The following ASAP1 variants were observed in gnomAD, a reference collection of about 807,000 sequenced individuals.
ASAP1 encodes the protein arf-GAP with SH3 domain, ANK repeat and PH domain-containing protein 1.
ASAP1 carries 43 observed loss-of-function variants against 145.2 expected under a neutral mutation model. The ratio of observed to expected loss-of-function variants is 0.30; its 90% CI spans 0.23 to 0.38. ASAP1 has a LOEUF of 0.38. Ranked by LOEUF, ASAP1 falls within the 10% of genes least tolerant of loss-of-function variation. The probability of loss-of-function intolerance (pLI) is 1.00; values close to 1 mark genes in which losing one functional copy is unlikely to be tolerated. For synonymous variants in ASAP1, 546 were observed against 515.5 expected (o/e 1.06, Z -0.80); for missense variants, 1,018 against 1,355.3 (o/e 0.75, Z 3.91).
chr8:130,142,635 C>T (rs747413061), intron 13 of ASAP1, among the ~76,000 whole-genome samples: 4 of 152,144 alleles, frequency 2.6e-5, no homozygotes, highest in Admixed American at 6.5e-5. Flanking sequence ...GGCAAGGTTC[C>T]ACACAGGCAG....
chr8:130,347,010 G>A (rs1825738399), intron 3 of ASAP1, among the ~76,000 whole-genome samples: 2 of 152,204 alleles, frequency 1.3e-5, no homozygotes, highest in African/African-American at 2.4e-5. Context: ...TGAAGAAGCC[G>A]TTCAATGGAA....
At chr8:130,392,036 C>T (rs1828309685) in intron 2 of ASAP1, among the ~76,000 whole-genome samples, 1 of 152,216 alleles carries the variant, frequency 6.6e-6, no homozygotes, top group South Asian at 2.1e-4. Context: ...TTACGTTCTG[C>T]CTCATGCCAC....
At chr8:130,065,927 G>C (rs1196351630) in intron 27 of ASAP1, among the ~76,000 whole-genome samples, 1 of 152,156 alleles carries the variant, frequency 6.6e-6, no homozygotes, top group Non-Finnish European at 1.5e-5. Flanking sequence ...TCAGCTGATG[G>C]TTAGCTAGAT....
At chr8:130,303,048 C>T (rs1313823842) in intron 3 of ASAP1, among the ~76,000 whole-genome samples, 2 of 152,162 alleles carry the variant, frequency 1.3e-5, no homozygotes, top group African/African-American at 4.8e-5. Context: ...AGAATCCATA[C>T]CTAAGGCAGA....
At chr8:130,381,051 T>A (rs532867312) in intron 2 of ASAP1, among the ~76,000 whole-genome samples, 4 of 152,266 alleles carry the variant, frequency 2.6e-5, no homozygotes, top group Admixed American at 6.5e-5. Context: ...ACCTGGCTAA[T>A]TTTTGTATTT....
At chr8:130,338,441 A>G (rs1825173265) in intron 3 of ASAP1, among the ~76,000 whole-genome samples, 1 of 152,200 alleles carries the variant, frequency 6.6e-6, no homozygotes, top group Non-Finnish European at 1.5e-5. Context: ...GCCAGCAACA[A>G]CAGAAGATAC....
In ASAP1 at chr8:130,250,871, C is replaced by A. The variant is rs1819153350; in HGVS notation, c.187-13877G>T. Among the ~76,000 whole-genome samples, 3 of 152,078 alleles carry A rather than the reference C, an allele frequency of 2.0e-5. No homozygotes were observed. The South Asian group carries it at 6.2e-4, about 32-fold the overall frequency. ...TGGAGAAAACAATTAATCTGTTTAC[C>A]ATTTGTAAAATGGTAAATTTGGAAA... On this transcript the variant is annotated intron_variant, in intron 3 of 29. Transcript: ENST00000518721.
chr8:130,394,120 G>C (rs1047657070), intron 2 of ASAP1, among the ~76,000 whole-genome samples: 4 of 152,136 alleles, frequency 2.6e-5, no homozygotes, highest in African/African-American at 7.2e-5. Context: ...CTTGAAAAAA[G>C]AACAGGATAA....
At chr8:130,157,647 A>G (rs950755121) in intron 12 of ASAP1, among the ~76,000 whole-genome samples, 8 of 152,036 alleles carry the variant, frequency 5.3e-5, no homozygotes, top group Non-Finnish European at 7.4e-5. Context: ...CTTATCTCCT[A>G]TGACCTCCTG....
intron 2 of ASAP1, among the ~76,000 whole-genome samples, chr8:130,375,379 C>G (rs993450539): frequency 4.0e-5 from 6 of 150,168 alleles, no homozygotes; most frequent in Admixed American, 6.6e-5. Context: ...GGGGGAGCAG[C>G]AGAGGAAAAA....
At chr8:130,355,832 C>T (rs1826272541) in intron 3 of ASAP1, among the ~76,000 whole-genome samples, 1 of 152,144 alleles carries the variant, frequency 6.6e-6, no homozygotes, top group Admixed American at 6.5e-5. Flanking sequence ...GAGAGTGCAA[C>T]CTCAAGAATT....
chr8:130,107,270 C>T (rs1431700283), intron 24 of ASAP1, among the ~76,000 whole-genome samples: 1 of 151,032 alleles, frequency 6.6e-6, no homozygotes, highest in East Asian at 1.9e-4. Flanking sequence ...GCAAGCTCCG[C>T]TTCCCGGGTT....
intron 1 of ASAP1, among the ~76,000 whole-genome samples, chr8:130,416,723 A>C (rs1477433263): frequency 6.6e-6 from 1 of 152,220 alleles, no homozygotes; most frequent in Non-Finnish European, 1.5e-5. Flanking sequence ...TGGCTCAGCT[A>C]CCTGCTTAGG....
rs546915201 is a variant in ASAP1 at position 130,186,440 on chromosome 8, T to C, written c.530+796A>G. ...TATGTTTATAGTTGTCCAAGACTTT[T>C]ATTAAAAGCTTTAAAAATACATATC... On this transcript the variant is annotated intron_variant, in intron 7 of 29. Transcript: ENST00000518721. Among the ~76,000 whole-genome samples the C allele has an allele frequency of 7.6e-4, 116 of 152,314 alleles. 1 individual carries two copies. Among genetic ancestry groups the C allele is most frequent in the African/African-American group, 2.4e-3 (99 of 41,560 alleles).
chr8:130,242,319 A>G (rs1818589881), intron 3 of ASAP1, among the ~76,000 whole-genome samples: 1 of 151,554 alleles, frequency 6.6e-6, no homozygotes, highest in Admixed American at 6.6e-5. Context: ...TTGGAAAAAA[A>G]AAGGGCTTCC....
intron 3 of ASAP1, among the ~76,000 whole-genome samples, chr8:130,326,342 T>C (rs928987499): frequency 1.3e-5 from 2 of 152,260 alleles, no homozygotes; most frequent in African/African-American, 4.8e-5. Flanking sequence ...TGAATTCACC[T>C]GCCTGCAATG....
At chr8:130,310,025 T>C (rs1823236606) in intron 3 of ASAP1, among the ~76,000 whole-genome samples, 1 of 151,722 alleles carries the variant, frequency 6.6e-6, no homozygotes, top group Admixed American at 6.6e-5. Flanking sequence ...CCAGTTTCTA[T>C]AGTAGAAATT....
At position 130,092,160 on chromosome 8, in the gene ASAP1, A is replaced by T; in HGVS notation, c.2402-17T>A. On this transcript the variant is annotated splice_polypyrimidine_tract_variant and intron_variant, in intron 24 of 29. Coordinates refer to ENST00000518721, the MANE Select transcript of ASAP1 (RefSeq NM_018482.4). Reference sequence around the variant, plus strand: ...CAGTTGGACCTAGAAAGGAAATTGAATGGGGGCAGGAAGATTAATCCCAGT... The same window carrying T: ...CAGTTGGACCTAGAAAGGAAATTGATTGGGGGCAGGAAGATTAATCCCAGT... 6.4e-7 allele frequency: 1 copy of T among 1,565,124 alleles called. No individual in the cohort carries two copies. Among genetic ancestry groups the T allele is most frequent in the Non-Finnish European group, 8.6e-7 (1 of 1,162,580 alleles).
intron 3 of ASAP1, among the ~76,000 whole-genome samples, chr8:130,253,663 C>A (rs1819340547): frequency 6.6e-6 from 1 of 152,056 alleles, no homozygotes; most frequent in African/African-American, 2.4e-5. Context: ...GGCATTAGAA[C>A]AGAAAATAGG....
Sources: gnomAD v4.1 joint callset for allele counts (sites outside exome capture counted in the v4.1 genomes callset) on GRCh38, gnomAD v4.1.1 for gene constraint, MANE v1.5 for transcripts, NCBI Gene and HGNC (gene_info 2026-07-23, HGNC 2026-07-21) for gene names.